The following ENOX2 variants were observed in gnomAD, a reference collection of about 807,000 sequenced individuals.
The protein encoded by ENOX2 is APK1 antigen.
ENOX2 carries 36 observed loss-of-function variants against 45.0 expected under a neutral mutation model. The ratio of observed to expected loss-of-function variants is 0.80; its 90% CI spans 0.61 to 1.06. The LOEUF (loss-of-function observed/expected upper bound fraction) is 1.06, where lower values mean the gene tolerates loss of function less well. Among genes scored for constraint, ENOX2 ranks in the 50% least tolerant of loss-of-function variants. The pLI is 0.00. For missense variants in ENOX2, 423 were observed against 462.5 expected (o/e 0.91, Z 0.78); for synonymous variants, 174 against 152.3 (o/e 1.14, Z -1.05).
At chrX:130,737,777 A>G (rs746580829) in intron 3 of ENOX2, among the ~76,000 whole-genome samples, 1 of 111,931 alleles carries the variant, frequency 8.9e-6, no homozygotes, top group South Asian at 3.8e-4. Context: ...ACAGTCCACA[A>G]CAAGCCATTC....
chrX:130,631,017 C>T (rs1026285301), intron 13 of ENOX2, among the ~76,000 whole-genome samples: 1 of 110,254 alleles, frequency 9.1e-6, no homozygotes, highest in Non-Finnish European at 1.9e-5. Context: ...CATTTGGTGT[C>T]AGAAGTGTTG....
At chrX:130,699,459 A>C (rs2148210762) in intron 4 of ENOX2, among the ~76,000 whole-genome samples, 1 of 111,858 alleles carries the variant, frequency 8.9e-6, no homozygotes, top group South Asian at 3.8e-4. Flanking sequence ...CAGATGAGAC[A>C]GGACAAAGAA....
chrX:130,630,642 A>G (rs1297169228), intron 13 of ENOX2, among the ~76,000 whole-genome samples: 1 of 111,595 alleles, frequency 9.0e-6, no homozygotes, highest in East Asian at 2.8e-4. Context: ...TAAATCAGTA[A>G]GAGTAAGTAA....
chrX:130,832,037 G>T (rs1334928610), intron 2 of ENOX2, among the ~76,000 whole-genome samples: 1 of 109,952 alleles, frequency 9.1e-6, no homozygotes, highest in African/African-American at 3.3e-5. Flanking sequence ...TAATCAGCAG[G>T]TTCTAATCTT....
intron 2 of ENOX2, among the ~76,000 whole-genome samples, chrX:130,833,890 A>G (rs2077881581): frequency 9.0e-6 from 1 of 111,238 alleles, no homozygotes; most frequent in South Asian, 3.8e-4. Context: ...CTCATAGTAA[A>G]CTTCTATCAT....
At chrX:130,718,688 T>C (rs953742416) in intron 3 of ENOX2, among the ~76,000 whole-genome samples, 1 of 111,996 alleles carries the variant, frequency 8.9e-6, no homozygotes, top group African/African-American at 3.2e-5. Flanking sequence ...AGATTTATCC[T>C]TGCCAGCTGC....
intron 2 of ENOX2, among the ~76,000 whole-genome samples, chrX:130,871,612 G>A (rs777229904): frequency 9.0e-6 from 1 of 111,232 alleles, no homozygotes; most frequent in African/African-American, 3.3e-5. Flanking sequence ...GATTTACAAA[G>A]GTGAAGGGCG....
At chrX:130,719,441 C>T (rs1277080055) in intron 3 of ENOX2, among the ~76,000 whole-genome samples, 1 of 102,712 alleles carries the variant, frequency 9.7e-6, no homozygotes, top group East Asian at 3.0e-4. Flanking sequence ...TGGACAGCCA[C>T]ATGCCCATCT....
intron 3 of ENOX2, among the ~76,000 whole-genome samples, chrX:130,775,580 G>C (rs896869989): frequency 1.8e-5 from 2 of 109,776 alleles, no homozygotes; most frequent in African/African-American, 6.6e-5. Context: ...ACTGAAGTGT[G>C]ACACAGGCCA....
intron 3 of ENOX2, chrX:130,709,307 T>G: frequency 8.4e-7 from 1 of 1,188,229 alleles, no homozygotes; most frequent in East Asian, 3.0e-5. Context: ...GGTCCTCAAC[T>G]GTGAACTTAG....
intron 3 of ENOX2, among the ~76,000 whole-genome samples, chrX:130,763,303 G>A (rs1034026184): frequency 2.7e-5 from 3 of 111,253 alleles, no homozygotes; most frequent in Non-Finnish European, 5.7e-5. Context: ...ATATCTGAGG[G>A]AGGTAGTCTC....
chrX:130,804,716 T>C (rs1267465873), intron 2 of ENOX2, among the ~76,000 whole-genome samples: 1 of 111,806 alleles, frequency 8.9e-6, no homozygotes, highest in African/African-American at 3.3e-5. Flanking sequence ...TTCACAAGCT[T>C]CCTGTTATAA....
At chrX:130,648,870 C>A (rs1276445276) in intron 10 of ENOX2, among the ~76,000 whole-genome samples, 5 of 106,858 alleles carry the variant, frequency 4.7e-5, no homozygotes, top group Non-Finnish European at 1.9e-5. Context: ...CAACATGAAA[C>A]CCCGTCTCTA....
At chrX:130,717,064 A>C (rs756143329) in intron 3 of ENOX2, among the ~76,000 whole-genome samples, 43 of 112,274 alleles carry the variant, frequency 3.8e-4, no homozygotes, top group African/African-American at 1.3e-3. Context: ...TTTGATTTGA[A>C]AATGATTACA....
chrX:130,859,773 T>G (rs1387453708), intron 2 of ENOX2, among the ~76,000 whole-genome samples: 1 of 111,685 alleles, frequency 9.0e-6, no homozygotes, highest in Non-Finnish European at 1.9e-5. Context: ...CATTGCAGTT[T>G]AGACAAGTAA....
At chrX:130,753,528 TTATCCACCTCTGTCCATTCCTATCTTTA>T (rs939131654) in intron 3 of ENOX2, among the ~76,000 whole-genome samples, 1 of 111,212 alleles carries the variant, frequency 9.0e-6, no homozygotes, top group Non-Finnish European at 1.9e-5. Flanking sequence ...ATCCCTGCCT[TTATCCACCTCTGTCCATTCCTATCTTTA>T]TATTCGCCTG....
chrX:130,730,543 A>G (rs779485487), intron 3 of ENOX2, among the ~76,000 whole-genome samples: 107 of 112,634 alleles, frequency 9.5e-4, no homozygotes, highest in Non-Finnish European at 1.8e-3. Context: ...AGCATCTGAG[A>G]CAAGTCTCAA....
At position 130,767,551 on chromosome X, in the gene ENOX2, A is replaced by G. The variant is rs192955418; in HGVS notation, c.-39+15996T>C. 3.1e-3 allele frequency among the ~76,000 whole-genome samples: 353 copies of G among 112,287 alleles called. 2 individuals carry two copies. The highest frequency in any genetic ancestry group is 0.011 in the African/African-American group (339 of 30,949). ...GCACTGTGATGAGTACTGATAGAAG[A>G]GATACAAAGATGAGTAAGACATGAA... On this transcript the variant is annotated intron_variant, in intron 3 of 14. Transcript: ENST00000394363.
intron 2 of ENOX2, among the ~76,000 whole-genome samples, chrX:130,812,852 G>A (rs1479599770): frequency 1.8e-5 from 2 of 111,319 alleles, no homozygotes; most frequent in Non-Finnish European, 3.8e-5. Context: ...AAAGCATCCT[G>A]AGCAAAAAGA....
Sources: gnomAD v4.1 joint callset for allele counts (sites outside exome capture counted in the v4.1 genomes callset) on GRCh38, gnomAD v4.1.1 for gene constraint, MANE v1.5 for transcripts, NCBI Gene and HGNC (gene_info 2026-07-23, HGNC 2026-07-21) for gene names.